ARMH4: variants seen among roughly 807,000 people sequenced by gnomAD.
The protein encoded by ARMH4 is armadillo-like helical domain-containing protein 4.
A neutral mutation model predicts 61.9 loss-of-function variants in ARMH4; 49 were observed. The observed-to-expected ratio is 0.79, with a 90% confidence interval of 0.63 to 1.00. The LOEUF is 1.00. Ranked by LOEUF, ARMH4 falls within the 50% of genes least tolerant of loss-of-function variation. The pLI, the probability that ARMH4 is intolerant of heterozygous loss-of-function variation, is 0.00. For synonymous variants in ARMH4, 368 were observed against 341.5 expected (o/e 1.08, Z -0.85); for missense variants, 934 against 930.0 (o/e 1.00, Z -0.06).
chr14:58,083,723 CAAAT>C (rs1479825377), intron 5 of ARMH4, among the ~76,000 whole-genome samples: 1 of 152,174 alleles, frequency 6.6e-6, no homozygotes, highest in Non-Finnish European at 1.5e-5. Context: ...AATAGCAAAA[CAAAT>C]AATTCTCTAA....
intron 5 of ARMH4, among the ~76,000 whole-genome samples, chr14:58,026,314 C>A (rs1350390983): frequency 6.6e-6 from 1 of 151,970 alleles, no homozygotes; most frequent in South Asian, 2.1e-4. Flanking sequence ...GTATTTGCCT[C>A]CCCCTATGCT....
In ARMH4 at chr14:58,141,387, C is replaced by A. The variant is rs993604158; in HGVS notation, c.-56-1973G>T. On this transcript the variant is annotated intron_variant, in intron 1 of 7. Transcript: ENST00000267485. Reference sequence around the variant, plus strand: ...CCAAAATTCAGGACAAGGAGGGTATCCCACCTGACCAGCAGCGTCTGATAT... The same window carrying A: ...CCAAAATTCAGGACAAGGAGGGTATACCACCTGACCAGCAGCGTCTGATAT... The A allele has an allele frequency of 2.3e-5, 12 of 524,706 alleles. No individual in the cohort carries two copies. The African/African-American group carries it at 2.3e-4, about 10-fold the overall frequency. The allele number at this position is 524,706 out of a possible 1,614,324, so 32.5% of individuals were successfully genotyped here. A position where few individuals can be genotyped will look rare whatever the true frequency, so the allele number is the denominator to read the frequency against.
intron 5 of ARMH4, among the ~76,000 whole-genome samples, chr14:58,084,138 A>G (rs143030461): frequency 6.6e-6 from 1 of 152,120 alleles, no homozygotes; most frequent in African/African-American, 2.4e-5. Context: ...CAGGTGCTCA[A>G]ATGAAGAATG....
intron 5 of ARMH4, among the ~76,000 whole-genome samples, chr14:58,028,171 T>G (rs1883087590): frequency 6.6e-6 from 1 of 152,202 alleles, no homozygotes; most frequent in African/African-American, 2.4e-5. Flanking sequence ...CCCCTCCTGT[T>G]TGTTACATTT....
chr14:58,019,391 AT>A lies in ARMH4; in HGVS notation c.2090-7242del, dbSNP rs376909625. Among the ~76,000 whole-genome samples the A allele has an allele frequency of 6.0e-3, 919 of 152,264 alleles. 3 individuals are homozygous for A. Among genetic ancestry groups the A allele is most frequent in the Middle Eastern group, 0.02 (6 of 294 alleles). ...ATAGTCATGTTGATAAATATATATG[AT>A]TTTTATTTGTCAATTAAAAACTAAT... On this transcript the variant is annotated intron_variant, in intron 5 of 7. Coordinates refer to ENST00000267485, the MANE Select transcript of ARMH4 (RefSeq NM_001001872.4).
chr14:58,094,680 GAC>G (rs1885689692), intron 5 of ARMH4, among the ~76,000 whole-genome samples: 1 of 152,178 alleles, frequency 6.6e-6, no homozygotes, highest in Admixed American at 6.5e-5. Flanking sequence ...ATCTAAGCCA[GAC>G]ACAAAATGGT....
intron 5 of ARMH4, among the ~76,000 whole-genome samples, chr14:58,096,063 C>T (rs533695797): frequency 1.0e-3 from 152 of 152,102 alleles, no homozygotes; most frequent in Non-Finnish European, 1.4e-3. Flanking sequence ...AGCTGAGGAG[C>T]GGCCTGCATC....
At chr14:58,110,296 C>T (rs1886311560) in intron 4 of ARMH4, among the ~76,000 whole-genome samples, 1 of 151,506 alleles carries the variant, frequency 6.6e-6, no homozygotes, top group South Asian at 2.1e-4. Flanking sequence ...CTAAATCTAA[C>T]TAACATATGC....
chr14:58,121,617 C>T (rs1177174999), intron 4 of ARMH4, among the ~76,000 whole-genome samples: 2 of 152,166 alleles, frequency 1.3e-5, no homozygotes, highest in African/African-American at 2.4e-5. Flanking sequence ...CTGAGTGCTA[C>T]GTAATGGATG....
At chr14:58,072,803 C>A (rs1420874949) in intron 5 of ARMH4, among the ~76,000 whole-genome samples, 1 of 152,022 alleles carries the variant, frequency 6.6e-6, no homozygotes, top group East Asian at 1.9e-4. Context: ...CAAGGAAGAG[C>A]CATCTTTTAA....
intron 5 of ARMH4, among the ~76,000 whole-genome samples, chr14:58,044,780 C>T (rs1195223383): frequency 1.3e-5 from 2 of 151,930 alleles, no homozygotes; most frequent in African/African-American, 4.8e-5. Context: ...AAAAAAACAA[C>T]CCCATCAAAA....
chr14:58,066,422 A>G (rs1884701930), intron 5 of ARMH4, among the ~76,000 whole-genome samples: 1 of 152,152 alleles, frequency 6.6e-6, no homozygotes, highest in Non-Finnish European at 1.5e-5. Context: ...GAGAATGGGG[A>G]GTAATTGCTT....
At chr14:58,122,293 C>A (rs1017475232) in intron 4 of ARMH4, among the ~76,000 whole-genome samples, 2 of 152,102 alleles carry the variant, frequency 1.3e-5, no homozygotes, top group African/African-American at 2.4e-5. Flanking sequence ...TGCTAACTTG[C>A]GTGCTAGAAG....
chr14:58,049,060 A>C (rs974644399), intron 5 of ARMH4, among the ~76,000 whole-genome samples: 15 of 152,030 alleles, frequency 9.9e-5, no homozygotes, highest in Admixed American at 2.0e-4. Context: ...ACATGGTGAA[A>C]CCCCATCTCT....
chr14:58,070,169 T>C (rs1017751157), intron 5 of ARMH4, among the ~76,000 whole-genome samples: 12 of 152,192 alleles, frequency 7.9e-5, no homozygotes, highest in Non-Finnish European at 2.9e-5. Context: ...ACTTAGACAA[T>C]GAGGGTTCCC....
chr14:58,110,895 T>C (rs1257828039), intron 4 of ARMH4, among the ~76,000 whole-genome samples: 1 of 151,912 alleles, frequency 6.6e-6, no homozygotes, highest in Non-Finnish European at 1.5e-5. Flanking sequence ...GCTAATTTTT[T>C]TTATTACAGG....
intron 4 of ARMH4, among the ~76,000 whole-genome samples, chr14:58,112,889 T>C (rs1472736833): frequency 6.6e-6 from 1 of 152,198 alleles, no homozygotes; most frequent in Non-Finnish European, 1.5e-5. Flanking sequence ...CCTGGCTTTT[T>C]TCCTTTAAAT....
intron 1 of ARMH4, among the ~76,000 whole-genome samples, chr14:58,141,947 CATT>C (rs1402563639): frequency 6.6e-6 from 1 of 151,978 alleles, no homozygotes; most frequent in Non-Finnish European, 1.5e-5. Flanking sequence ...ATTGAATACC[CATT>C]ATTATAAGAT....
At chr14:58,140,851 C>T (rs1415343888) in intron 1 of ARMH4, among the ~76,000 whole-genome samples, 1 of 152,062 alleles carries the variant, frequency 6.6e-6, no homozygotes, top group African/African-American at 2.4e-5. Context: ...TGCAATGAGC[C>T]AAGATCGCGC....
Sources: allele counts gnomAD v4.1 joint callset (sites outside exome capture counted in the v4.1 genomes callset), GRCh38; gene constraint gnomAD v4.1.1; transcripts MANE v1.5; gene names NCBI Gene and HGNC (gene_info 2026-07-23, HGNC 2026-07-21).